Variants in ARB2A observed in about 807,000 individuals in gnomAD.
ARB2A encodes ARB2 cotranscriptional regulator A.
At chr5:93,929,681 G>C in the ARB2A span, among the ~76,000 whole-genome samples, 4 of 152,062 alleles carry the variant, frequency 2.6e-5, no homozygotes, top group Non-Finnish European at 5.9e-5. Context: ...ACTTAAACTG[G>C]ACCCTTTCAG....
the ARB2A span, among the ~76,000 whole-genome samples, chr5:93,771,200 G>A: frequency 2.6e-5 from 4 of 150,974 alleles, no homozygotes; most frequent in East Asian, 1.9e-4. Context: ...AACAAGCAAT[G>A]GGGAAAGGAT....
At chr5:93,693,472 T>C in the ARB2A span, among the ~76,000 whole-genome samples, 1 of 152,146 alleles carries the variant, frequency 6.6e-6, no homozygotes, top group Non-Finnish European at 1.5e-5. Flanking sequence ...GATAGATTCC[T>C]GGACACTTAC....
At chr5:93,800,068 T>C in the ARB2A span, among the ~76,000 whole-genome samples, 1 of 152,066 alleles carries the variant, frequency 6.6e-6, no homozygotes, top group Non-Finnish European at 1.5e-5. Flanking sequence ...TGCACATATC[T>C]ATTTCTCTTT....
At chr5:93,644,588 T>C in the ARB2A span, among the ~76,000 whole-genome samples, 8 of 152,190 alleles carry the variant, frequency 5.3e-5, no homozygotes, top group Admixed American at 4.6e-4. Context: ...AGGTCACCAG[T>C]ATACCAGAAA....
the ARB2A span, among the ~76,000 whole-genome samples, chr5:93,836,117 T>C: frequency 9.9e-5 from 15 of 152,168 alleles, no homozygotes; most frequent in Non-Finnish European, 1.9e-4. Flanking sequence ...AAACTCCGCC[T>C]CCCAGGTTCG....
the ARB2A span, among the ~76,000 whole-genome samples, chr5:93,766,645 T>A: frequency 6.6e-6 from 1 of 152,136 alleles, no homozygotes; most frequent in African/African-American, 2.4e-5. Context: ...TCCTCAGGGA[T>A]CTAGAACTAG....
the ARB2A span, among the ~76,000 whole-genome samples, chr5:94,059,097 T>C: frequency 3.9e-5 from 6 of 151,950 alleles, no homozygotes; most frequent in Admixed American, 2.0e-4. Context: ...AATAAACCTC[T>C]TTTCTTTTAA....
chr5:93,774,547 G>A, the ARB2A span, among the ~76,000 whole-genome samples: 1 of 152,156 alleles, frequency 6.6e-6, no homozygotes, highest in South Asian at 2.1e-4. Flanking sequence ...CTGCCTTCTT[G>A]TTTCAGTTCT....
At chr5:93,940,621 T>C in the ARB2A span, among the ~76,000 whole-genome samples, 106 of 152,060 alleles carry the variant, frequency 7.0e-4, 1 homozygote, top group Non-Finnish European at 1.3e-3. Context: ...CAGAAAAAAA[T>C]AGTATCAGAA....
At chr5:94,054,304 C>T in the ARB2A span, among the ~76,000 whole-genome samples, 2 of 152,072 alleles carry the variant, frequency 1.3e-5, no homozygotes, top group African/African-American at 4.8e-5. Flanking sequence ...CAGGACACCA[C>T]ATTACATGTA....
the ARB2A span, among the ~76,000 whole-genome samples, chr5:93,746,221 A>T: frequency 6.6e-6 from 1 of 152,240 alleles, no homozygotes; most frequent in African/African-American, 2.4e-5. Flanking sequence ...ACATACAATA[A>T]GAACATTTAT....
chr5:94,106,531 T>A, the ARB2A span, among the ~76,000 whole-genome samples: 3 of 152,082 alleles, frequency 2.0e-5, no homozygotes, highest in African/African-American at 7.2e-5. Flanking sequence ...GTGGGGGGAA[T>A]GTAAATTTCA....
the ARB2A span, among the ~76,000 whole-genome samples, chr5:93,915,236 A>G: frequency 2.0e-5 from 3 of 151,856 alleles, no homozygotes; most frequent in African/African-American, 7.2e-5. Context: ...AAACCAAGCA[A>G]TTGGGCTCTT....
At chr5:93,845,417 G>A in the ARB2A span, among the ~76,000 whole-genome samples, 449 of 152,260 alleles carry the variant, frequency 2.9e-3, 5 homozygotes, top group Non-Finnish European at 5.9e-4. Flanking sequence ...AATGTTGCCA[G>A]GATTTTTCTT....
the ARB2A span, among the ~76,000 whole-genome samples, chr5:93,954,011 C>T: frequency 1.4e-4 from 22 of 152,128 alleles, no homozygotes; most frequent in Non-Finnish European, 2.5e-4. Flanking sequence ...TAGGACTCTC[C>T]TGTAAGGGCA....
the ARB2A span, among the ~76,000 whole-genome samples, chr5:93,914,610 CAGAAATACATAGAAGCAGAATA>C: frequency 1.6e-4 from 25 of 151,900 alleles, no homozygotes; most frequent in East Asian, 3.5e-3. Flanking sequence ...AGTATCTTAT[CAGAAATACATAGAAGCAGAATA>C]AGAAATCATA....
At chr5:93,795,082 G>C in the ARB2A span, among the ~76,000 whole-genome samples, 1 of 152,254 alleles carries the variant, frequency 6.6e-6, no homozygotes, top group Non-Finnish European at 1.5e-5. Flanking sequence ...TGGGGGTAGG[G>C]ATAGGTGTGT....
chr5:94,029,406 A>C, the ARB2A span, among the ~76,000 whole-genome samples: 1 of 152,192 alleles, frequency 6.6e-6, no homozygotes, highest in Admixed American at 6.5e-5. Flanking sequence ...GACCAGGCCA[A>C]TTATCTTTTC....
the ARB2A span, among the ~76,000 whole-genome samples, chr5:94,084,709 C>G: frequency 6.6e-6 from 1 of 152,098 alleles, no homozygotes; most frequent in Admixed American, 6.5e-5. Flanking sequence ...AACTCCAAAA[C>G]AGAGCCACAT....
Sources: allele counts gnomAD v4.1 joint callset (sites outside exome capture counted in the v4.1 genomes callset), GRCh38; gene constraint gnomAD v4.1.1; transcripts MANE v1.5; gene names NCBI Gene and HGNC (gene_info 2026-07-23, HGNC 2026-07-21).